Variants in CEP95 observed in about 807,000 individuals in gnomAD.
The protein encoded by CEP95 is centrosomal protein 95, also known as centrosomal protein of 95 kDa.
Under a neutral mutation model 111.2 loss-of-function variants are expected in CEP95, and 98 were observed. The ratio of observed to expected loss-of-function variants is 0.88; its 90% CI spans 0.75 to 1.04. CEP95 has a LOEUF of 1.04. Among genes scored for constraint, CEP95 ranks in the 50% least tolerant of loss-of-function variants. The probability of loss-of-function intolerance (pLI) is 0.00; values close to 1 mark genes in which losing one functional copy is unlikely to be tolerated. For synonymous variants in CEP95, 323 were observed against 327.1 expected, an observed-to-expected ratio of 0.99 and a Z score of 0.14; for missense variants, 1,027 against 977.2, an observed-to-expected ratio of 1.05 and a Z score of -0.68.
chr17:64,507,765 C>T, intron 1 of CEP95: 6 of 985,516 alleles, frequency 6.1e-6, no homozygotes, highest in South Asian at 4.7e-5. Flanking sequence ...CACTCTCATT[C>T]GTTTCCAGAA....
intron 5 of CEP95, among the ~76,000 whole-genome samples, chr17:64,517,181 G>A (rs1211353982): frequency 6.6e-6 from 1 of 152,060 alleles, no homozygotes; most frequent in Non-Finnish European, 1.5e-5. Context: ...TGAGTAGCTG[G>A]GATTACAGGC....
At chr17:64,514,724 A>G (rs1190123606) in intron 4 of CEP95, 1 of 318,434 alleles carries the variant, frequency 3.1e-6, no homozygotes, top group Non-Finnish European at 5.7e-6. Flanking sequence ...AGGCATCAAC[A>G]GGAAGAATTG....
chr17:64,510,484 C>G (rs1347621376), intron 3 of CEP95, among the ~76,000 whole-genome samples: 1 of 152,156 alleles, frequency 6.6e-6, no homozygotes, highest in Non-Finnish European at 1.5e-5. Flanking sequence ...TGCAATTGAT[C>G]TGGGTCTGAA....
At chr17:64,530,286 T>C (rs1968170157) in intron 12 of CEP95, among the ~76,000 whole-genome samples, 1 of 151,968 alleles carries the variant, frequency 6.6e-6, no homozygotes, top group African/African-American at 2.4e-5. Flanking sequence ...CTCAGGAGGC[T>C]GAGGCAGGAG....
intron 12 of CEP95, among the ~76,000 whole-genome samples, chr17:64,530,556 T>C (rs970684344): frequency 1.3e-5 from 2 of 149,340 alleles, no homozygotes; most frequent in Non-Finnish European, 3.0e-5. Flanking sequence ...CCGCCCAGGC[T>C]GGAGTGCAAT....
intron 17 of CEP95, chr17:64,535,024 G>A: frequency 2.6e-6 from 1 of 387,930 alleles, no homozygotes; most frequent in Non-Finnish European, 4.9e-6. Context: ...TTAGAGGTTT[G>A]GGAACATGTG....
intron 8 of CEP95, among the ~76,000 whole-genome samples, chr17:64,524,057 G>C (rs1967590812): frequency 1.3e-5 from 2 of 152,090 alleles, no homozygotes; most frequent in Non-Finnish European, 2.9e-5. Context: ...TCAACATTCT[G>C]TGCATCTAAA....
chr17:64,507,161 C>T (rs978748028), intron 1 of CEP95, 45 bp downstream of exon 1: 2 of 1,551,252 alleles, frequency 1.3e-6, no homozygotes, highest in Non-Finnish European at 1.7e-6. Context: ...CTGAAACCGT[C>T]CACCTCCAGG....
chr17:64,537,456 C>A (rs552536921), intron 19 of CEP95, 147 bp from the exon 20 acceptor site: 2 of 1,383,582 alleles, frequency 1.4e-6, no homozygotes, highest in African/African-American at 2.9e-5. Context: ...ATGATTTTAA[C>A]TTTAGTTAGG....
At chr17:64,531,795 C>T (rs576995092) in intron 13 of CEP95, 95 bp from the exon 14 acceptor site, 22 of 896,320 alleles carry the variant, frequency 2.5e-5, no homozygotes, top group South Asian at 2.0e-4. Flanking sequence ...AAAAAACTAC[C>T]GTTAGCTGTT....
intron 17 of CEP95, chr17:64,535,028 A>G (rs782481731): frequency 5.2e-6 from 2 of 384,760 alleles, no homozygotes; most frequent in Non-Finnish European, 9.9e-6. Context: ...AGGTTTGGGA[A>G]CATGTGAGAG....
intron 11 of CEP95, among the ~76,000 whole-genome samples, chr17:64,527,934 T>C (rs1456377157): frequency 6.6e-6 from 1 of 151,328 alleles, no homozygotes; most frequent in Non-Finnish European, 1.5e-5. Context: ...ATTTCCCCTA[T>C]TGCTGGACAT....
chr17:64,513,639 G>T (rs1555675650), intron 3 of CEP95, among the ~76,000 whole-genome samples: 1 of 152,100 alleles, frequency 6.6e-6, no homozygotes, highest in East Asian at 1.9e-4. Context: ...TTTCAGAAAG[G>T]GAGCCAGGGA....
intron 2 of CEP95, among the ~76,000 whole-genome samples, chr17:64,509,809 C>T (rs1254790823): frequency 1.3e-5 from 2 of 151,806 alleles, no homozygotes; most frequent in African/African-American, 4.8e-5. Context: ...GTCTTGGCTC[C>T]CTTATTAGAC....
chr17:64,513,061 A>T (rs2038974392), intron 3 of CEP95, among the ~76,000 whole-genome samples: 1 of 152,200 alleles, frequency 6.6e-6, no homozygotes, highest in Non-Finnish European at 1.5e-5. Flanking sequence ...CTAGAAACTG[A>T]AAAGTTTTGA....
chr17:64,529,325 T>C lies in CEP95; in HGVS notation c.1344T>C (p.His448=), dbSNP rs782200130. ...GTAGAAAGCCACCCTACAGATCCCATTCGCTCTCTCCATCTCCAGTTAACA... is the reference window on the plus strand; with the variant it reads ...GTAGAAAGCCACCCTACAGATCCCACTCGCTCTCTCCATCTCCAGTTAACA... ...SMRRKPPYRS[H]SLSPSPVNKH... Residue 448 remains histidine (H), a synonymous_variant, in exon 12 of 20, where the codon CAT becomes CAC. Transcript: ENST00000556440. The C allele has an allele frequency of 2.7e-5, 44 of 1,613,708 alleles. No individual in the cohort carries two copies. The highest frequency in any genetic ancestry group is 5.0e-5 in the Admixed American group (3 of 59,982).
chr17:64,531,803 G>C (rs782682061), intron 13 of CEP95, 87 bp from the exon 14 acceptor site: 16 of 1,007,250 alleles, frequency 1.6e-5, no homozygotes, highest in Admixed American at 1.5e-4. Flanking sequence ...ACCGTTAGCT[G>C]TTTTTGTCAG....
rs1478716805 is a variant in CEP95 at position 64,524,598 on chromosome 17, AC to A, written c.910-1170del. 3.3e-5 allele frequency among the ~76,000 whole-genome samples: 5 copies of A among 152,294 alleles called. No individual in the cohort carries two copies. The East Asian group carries it at 9.6e-4, about 29-fold the overall frequency. On this transcript the variant is annotated intron_variant, in intron 8 of 19. Coordinates refer to ENST00000556440, the MANE Select transcript of CEP95 (RefSeq NM_138363.3). ...ATTGCTGAGATTATAGGCATGAATC[AC>A]CATACCCAGCCTACTAAAGGGTATT...
chr17:64,508,198 A>G, intron 1 of CEP95: 1 of 985,406 alleles, frequency 1.0e-6, no homozygotes, highest in South Asian at 4.7e-5. Context: ...AGCCTCCATT[A>G]ATGAGTTTCT....
Sources: allele counts gnomAD v4.1 joint callset (sites outside exome capture counted in the v4.1 genomes callset), GRCh38; gene constraint gnomAD v4.1.1; transcripts MANE v1.5; gene names NCBI Gene and HGNC (gene_info 2026-07-23, HGNC 2026-07-21).